The following DEPTOR variants were observed in gnomAD, a reference collection of about 807,000 sequenced individuals.
The protein encoded by DEPTOR is DEP domain-containing mTOR-interacting protein.
Under a neutral mutation model 41.6 loss-of-function variants are expected in DEPTOR, and 41 were observed. That is an observed-to-expected ratio of 0.98 (90% confidence interval 0.77 to 1.28). The LOEUF (loss-of-function observed/expected upper bound fraction) is 1.28, where lower values mean the gene tolerates loss of function less well. Ranked by LOEUF, DEPTOR falls within the 50% of genes most tolerant of loss-of-function variation. DEPTOR has a pLI of 0.00. For synonymous variants in DEPTOR, 195 were observed against 192.3 expected, an observed-to-expected ratio of 1.01 and a Z score of -0.12; for missense variants, 514 against 527.9, an observed-to-expected ratio of 0.97 and a Z score of 0.26.
intron 3 of DEPTOR, among the ~76,000 whole-genome samples, chr8:119,955,625 C>G (rs1828408523): frequency 6.6e-6 from 1 of 152,134 alleles, no homozygotes; most frequent in Non-Finnish European, 1.5e-5. Flanking sequence ...TGCCACCACG[C>G]CCAGCTAATT....
chr8:119,886,224 G>A (rs1018897829), intron 1 of DEPTOR, among the ~76,000 whole-genome samples: 6 of 152,142 alleles, frequency 3.9e-5, no homozygotes, highest in Admixed American at 6.6e-5. Context: ...TCTTTTATTG[G>A]TTGGCTTCAT....
chr8:119,943,987 G>A (rs1430828370), intron 3 of DEPTOR, among the ~76,000 whole-genome samples: 3 of 151,894 alleles, frequency 2.0e-5, no homozygotes, highest in South Asian at 2.1e-4. Context: ...ACAGGCGCCC[G>A]CCACCATGCC....
In DEPTOR at chr8:119,968,393, C is replaced by A. The variant is rs1190949433; in HGVS notation, c.604+2983C>A. On this transcript the variant is annotated intron_variant, in intron 4 of 8. Coordinates refer to ENST00000286234, the MANE Select transcript of DEPTOR (RefSeq NM_022783.4). ...GCAGGGGCAGATCTCGGCTCACTGC[C>A]ACCTCCACTTCCCAGGTTCAAGGGA... Among the ~76,000 whole-genome samples, 3 of 151,574 alleles carry A rather than the reference C, an allele frequency of 2.0e-5. No individual in the cohort carries two copies. The East Asian group carries it at 5.8e-4, about 29-fold the overall frequency.
chr8:120,013,782 C>T (rs6469890), intron 8 of DEPTOR, among the ~76,000 whole-genome samples: 80,290 of 151,656 alleles, frequency 0.53, 21,684 homozygotes, highest in African/African-American at 0.61. Context: ...CAGAGCCCTG[C>T]ATCTGGGCCT....
rs548315828 is a variant in DEPTOR, at chr8:119,999,658, C to T, written c.605-1867C>T. 3.9e-5 allele frequency among the ~76,000 whole-genome samples: 6 copies of T among 152,284 alleles called. No homozygotes were observed. In the South Asian group the frequency reaches 6.2e-4, roughly 16 times the overall value. The stretch of plus-strand genomic sequence containing the variant: ...TAGTAAATAAATAAAGTATAGATTT[C>T]CTTAGGGACTAAGCAGGCTTTATTA... On this transcript the variant is annotated intron_variant, in intron 4 of 8. Transcript: ENST00000286234.
At chr8:119,992,346 C>T (rs1006468218) in intron 4 of DEPTOR, among the ~76,000 whole-genome samples, 1 of 152,126 alleles carries the variant, frequency 6.6e-6, no homozygotes, top group African/African-American at 2.4e-5. Flanking sequence ...GCAGTTAGCC[C>T]CATCTTGCTG....
chr8:119,991,245 A>G (rs1056260164), intron 4 of DEPTOR, among the ~76,000 whole-genome samples: 3 of 151,836 alleles, frequency 2.0e-5, no homozygotes, highest in African/African-American at 7.3e-5. Context: ...CCAGTGCCCA[A>G]TAGTTATCTT....
rs774358933 is a variant in DEPTOR at position 119,873,840 on chromosome 8, T to C, written c.-7T>C. The C allele has an allele frequency of 7.8e-5, 125 of 1,612,256 alleles. No homozygotes were observed. The highest frequency in any genetic ancestry group is 9.8e-5 in the Non-Finnish European group (116 of 1,179,406). On this transcript the variant is annotated 5_prime_UTR_variant, in exon 1 of 9. Coordinates refer to ENST00000286234, the MANE Select transcript of DEPTOR (RefSeq NM_022783.4). The stretch of plus-strand genomic sequence containing the variant: ...GGAGCCAGTGGTAGCCGCACGGCCC[T>C]AAAACCATGGAGGAGGGCGGCAGCA...
At chr8:119,990,212 G>A (rs1386034266) in intron 4 of DEPTOR, among the ~76,000 whole-genome samples, 1 of 152,106 alleles carries the variant, frequency 6.6e-6, no homozygotes, top group Non-Finnish European at 1.5e-5. Context: ...AGGCTGGAGT[G>A]CAGTGGCGCA....
At chr8:119,889,513 C>T (rs1191973606) in intron 1 of DEPTOR, among the ~76,000 whole-genome samples, 2 of 147,280 alleles carry the variant, frequency 1.4e-5, no homozygotes, top group African/African-American at 5.0e-5. Flanking sequence ...GGCTACTGCA[C>T]TCCAGCCTGG....
At chr8:119,949,261 CAG>C (rs1828322306) in intron 3 of DEPTOR, among the ~76,000 whole-genome samples, 1 of 152,224 alleles carries the variant, frequency 6.6e-6, no homozygotes, top group Admixed American at 6.5e-5. Context: ...ACCACATTTT[CAG>C]TTTCATCAGT....
At chr8:119,929,685 A>T in intron 2 of DEPTOR, 130 bp from the exon 3 acceptor site, 2 of 1,227,862 alleles carry the variant, frequency 1.6e-6, no homozygotes, top group Non-Finnish European at 2.2e-6. Context: ...ATTAGCTCAT[A>T]TGGTACATAT....
intron 3 of DEPTOR, among the ~76,000 whole-genome samples, chr8:119,957,749 C>T (rs997176313): frequency 4.6e-5 from 7 of 152,008 alleles, no homozygotes; most frequent in African/African-American, 1.5e-4. Context: ...CCACCATGCC[C>T]GGCTAATTTT....
chr8:120,002,137 G>A (rs1445686045), intron 5 of DEPTOR, among the ~76,000 whole-genome samples: 2 of 151,958 alleles, frequency 1.3e-5, no homozygotes, highest in African/African-American at 4.8e-5. Context: ...ATAAATACAA[G>A]TTTTTGTTTG....
At position 120,049,627 on chromosome 8, in the gene DEPTOR, TACC is replaced by T; in HGVS notation, c.1154_1156del (p.Tyr385_Arg386delinsTrp). The T allele has an allele frequency of 6.2e-7, 1 of 1,614,088 alleles. No homozygotes were observed. On this transcript the variant is annotated inframe_deletion, in exon 9 of 9. Coordinates refer to ENST00000286234, the MANE Select transcript of DEPTOR (RefSeq NM_022783.4). Reference sequence around the variant, plus strand: ...CGGGCTCAATGTCCTGCATGTAGACTACCGGACCGTGAGCAATCTGATTCTGAC... The same window carrying T: ...CGGGCTCAATGTCCTGCATGTAGACTGGACCGTGAGCAATCTGATTCTGAC...
rs563327166 is a variant in DEPTOR at position 119,935,765 on chromosome 8, A to G, written c.425+5827A>G. The stretch of plus-strand genomic sequence containing the variant: ...AAAAGAAAAGAAAAAAGTTGAATTC[A>G]GGATTATCAAGTCCTCTGTATAGTA... On this transcript the variant is annotated intron_variant, in intron 3 of 8. Coordinates refer to ENST00000286234, the MANE Select transcript of DEPTOR (RefSeq NM_022783.4). Among the ~76,000 whole-genome samples the G allele has an allele frequency of 5.5e-4, 83 of 152,016 alleles. 2 individuals carry two copies. The South Asian group carries it at 0.017, about 31-fold the overall frequency.
intron 4 of DEPTOR, among the ~76,000 whole-genome samples, chr8:119,978,497 C>T (rs930459124): frequency 2.6e-5 from 4 of 152,274 alleles, no homozygotes; most frequent in South Asian, 2.1e-4. Flanking sequence ...AGATCATACT[C>T]GTCAATGGGA....
At chr8:120,014,647 C>G (rs1812582940) in intron 8 of DEPTOR, among the ~76,000 whole-genome samples, 1 of 151,932 alleles carries the variant, frequency 6.6e-6, no homozygotes, top group Non-Finnish European at 1.5e-5. Flanking sequence ...TCTGCTTGAG[C>G]CTCCCGAGTA....
chr8:119,896,773 C>T (rs1230623128), intron 1 of DEPTOR, among the ~76,000 whole-genome samples: 2 of 152,152 alleles, frequency 1.3e-5, no homozygotes, highest in Non-Finnish European at 2.9e-5. Flanking sequence ...GCTAGGATTA[C>T]AGGCGTGAAC....
Sources: gnomAD v4.1 joint callset for allele counts (sites outside exome capture counted in the v4.1 genomes callset) on GRCh38, gnomAD v4.1.1 for gene constraint, MANE v1.5 for transcripts, NCBI Gene and HGNC (gene_info 2026-07-23, HGNC 2026-07-21) for gene names.